CAPN11: variants seen among roughly 807,000 people sequenced by gnomAD.
The protein encoded by CAPN11 is calpain-11.
A neutral mutation model predicts 105.3 loss-of-function variants in CAPN11; 108 were observed. That is an observed-to-expected ratio of 1.03 (90% CI 0.88 to 1.20). The LOEUF (loss-of-function observed/expected upper bound fraction) is 1.20. CAPN11 is among the 50% of genes most tolerant of loss of function. The pLI, the probability that CAPN11 is intolerant of heterozygous loss-of-function variation, is 0.00. For missense variants in CAPN11, 883 were observed against 924.8 expected, an observed-to-expected ratio of 0.95 and a Z score of 0.59; for synonymous variants, 329 against 344.5, an observed-to-expected ratio of 0.96 and a Z score of 0.50.
At chr6:44,178,165 C>T (rs767638799) in intron 12 of CAPN11, among the ~76,000 whole-genome samples, 2 of 152,134 alleles carry the variant, frequency 1.3e-5, no homozygotes, top group African/African-American at 2.4e-5. Flanking sequence ...TTCCAAAGGT[C>T]TTAGGAATAC....
At position 44,180,587 on chromosome 6, in the gene CAPN11, C is replaced by T. The variant is rs766346705; in HGVS notation, c.1681-10C>T. On this transcript the variant is annotated splice_polypyrimidine_tract_variant and intron_variant, in intron 15 of 22. Coordinates refer to ENST00000398776, the MANE Select transcript of CAPN11 (RefSeq NM_007058.4). Reference sequence around the variant, plus strand: ...CTGACCAGGTCCCTTTCCTGCTCCCCGGCCCCCAGGAAAAGGTCTCTGAGG... The same window carrying T: ...CTGACCAGGTCCCTTTCCTGCTCCCTGGCCCCCAGGAAAAGGTCTCTGAGG... The T allele has an allele frequency of 6.8e-6, 11 of 1,613,680 alleles. No homozygotes were observed. The highest frequency in any genetic ancestry group is 5.0e-5 in the Admixed American group (3 of 59,974).
At chr6:44,161,245 G>C (rs1335471531) in intron 1 of CAPN11, among the ~76,000 whole-genome samples, 1 of 151,642 alleles carries the variant, frequency 6.6e-6, no homozygotes, top group East Asian at 1.9e-4. Flanking sequence ...TATTGCCCAG[G>C]CTGGAGTGCA....
At position 44,169,523 on chromosome 6, in the gene CAPN11, C is replaced by T. The variant is rs545825579; in HGVS notation, c.331C>T (p.Arg111Trp). Residue 111 changes from arginine (R) to tryptophan (W), a missense_variant, in exon 3 of 23, where the codon CGG becomes TGG. Coordinates refer to ENST00000398776, the MANE Select transcript of CAPN11 (RefSeq NM_007058.4). ...SKNVQNISWQ[R>W]PKDIINNPLF... ...AAATGTGCAGAACATCTCCTGGCAG[C>T]GGCCCAAGGTGGGCACTGGAAGGGA... 42 of 1,574,836 alleles carry T rather than the reference C, an allele frequency of 2.7e-5. No homozygotes were observed. The highest frequency in any genetic ancestry group is 2.0e-4 in the South Asian group (17 of 85,900).
intron 12 of CAPN11, among the ~76,000 whole-genome samples, chr6:44,179,190 C>T (rs1047328030): frequency 2.6e-5 from 4 of 152,186 alleles, no homozygotes; most frequent in African/African-American, 9.7e-5. Context: ...TTTCAGCCAT[C>T]TGAGGTTGGA....
intron 12 of CAPN11, among the ~76,000 whole-genome samples, chr6:44,178,289 A>C (rs1263126306): frequency 6.6e-6 from 1 of 152,100 alleles, no homozygotes; most frequent in Non-Finnish European, 1.5e-5. Flanking sequence ...CCTGATTCCC[A>C]GGCGCTCTGA....
At chr6:44,168,029 A>AG (rs1407899166) in intron 2 of CAPN11, among the ~76,000 whole-genome samples, 6 of 152,162 alleles carry the variant, frequency 3.9e-5, no homozygotes, top group Non-Finnish European at 8.8e-5. Context: ...TTAAAAAAAA[A>AG]TGGAAAAAAA....
chr6:44,159,908 G>T lies in CAPN11; in HGVS notation c.16+1044G>T, dbSNP rs181088809. 4.3e-4 allele frequency among the ~76,000 whole-genome samples: 65 copies of T among 151,794 alleles called. No individual in the cohort carries two copies. The East Asian group carries it at 0.012, about 28-fold the overall frequency. On this transcript the variant is annotated intron_variant, in intron 1 of 22. Coordinates refer to ENST00000398776, the MANE Select transcript of CAPN11 (RefSeq NM_007058.4). The stretch of plus-strand genomic sequence containing the variant: ...CTAGCACTCTGGGAGGCCAAGGCAG[G>T]TGGATCATCTGAGGTCAGGAGTTCG...
chr6:44,176,193 A>AGGAGGAGAACGTATCCCTGACC, intron 8 of CAPN11, 42 bp downstream of exon 8: 1 of 1,593,606 alleles, frequency 6.3e-7, no homozygotes, highest in Non-Finnish European at 8.6e-7. Flanking sequence ...GACCCTGAGA[A>AGGAGGAGAACGTATCCCTGACC]GGAGGAGAAC....
At chr6:44,159,605 C>A (rs961273370) in intron 1 of CAPN11, among the ~76,000 whole-genome samples, 2 of 152,086 alleles carry the variant, frequency 1.3e-5, no homozygotes, top group African/African-American at 4.8e-5. Flanking sequence ...AGCTGGTGAC[C>A]CCAAACCCAG....
chr6:44,167,596 C>T (rs1286934313), intron 2 of CAPN11, among the ~76,000 whole-genome samples: 15 of 150,912 alleles, frequency 9.9e-5, no homozygotes, highest in Admixed American at 7.9e-4. Flanking sequence ...ATTCAAATAC[C>T]CTACAGTTCA....
chr6:44,171,325 C>G (rs1026988399), intron 4 of CAPN11, among the ~76,000 whole-genome samples: 13 of 152,160 alleles, frequency 8.5e-5, no homozygotes, highest in African/African-American at 3.1e-4. Context: ...GAACTTCAGG[C>G]CAGGGACACT....
intron 12 of CAPN11, among the ~76,000 whole-genome samples, chr6:44,177,928 G>C (rs546673760): frequency 6.6e-6 from 1 of 152,170 alleles, no homozygotes; most frequent in East Asian, 1.9e-4. Context: ...CGTGATTACG[G>C]CTCACAGCGG....
chr6:44,178,780 G>T (rs536579567), intron 12 of CAPN11, among the ~76,000 whole-genome samples: 13 of 138,072 alleles, frequency 9.4e-5, no homozygotes, highest in African/African-American at 1.7e-4. Flanking sequence ...AAAATTAGCC[G>T]GGCATGGTGG....
chr6:44,159,512 A>G (rs925516177), intron 1 of CAPN11, among the ~76,000 whole-genome samples: 1 of 151,922 alleles, frequency 6.6e-6, no homozygotes, highest in African/African-American at 2.4e-5. Flanking sequence ...AGCCTGGGGC[A>G]CCGTGAGACC....
At position 44,176,263 on chromosome 6, in the gene CAPN11, G is replaced by A. The variant is rs759884362; in HGVS notation, c.926G>A (p.Arg309Lys). 1 of 1,613,716 alleles carries A rather than the reference G, an allele frequency of 6.2e-7. No individual in the cohort carries two copies. Among genetic ancestry groups the A allele is most frequent in the South Asian group, 1.1e-5 (1 of 91,066 alleles). Residue 309 changes from arginine (R) to lysine (K), a missense_variant, in exon 9 of 23, where the codon AGA becomes AAA. Transcript: ENST00000398776. Reference sequence around the variant, plus strand: ...CCCCCGCCCACCCAGGTCCACTACAGAGGCAAAATGGAAACACTGATTCGG... The same window carrying A: ...CCCCCGCCCACCCAGGTCCACTACAAAGGCAAAATGGAAACACTGATTCGG... ...SVTGLQDVHY[R>K]GKMETLIRVR...
rs368742247 is a variant in CAPN11 at position 44,181,242 on chromosome 6, C to A, written c.1870-10C>A. The A allele has an allele frequency of 5.9e-5, 95 of 1,613,184 alleles. No individual in the cohort carries two copies. The highest frequency in any genetic ancestry group is 1.6e-4 in the Middle Eastern group (1 of 6,070). ...TCACTCCTTCTCTGCTGTCCTTGAC[C>A]ACCTTCCAGAAAGATGGCTCTGGCA... On this transcript the variant is annotated splice_polypyrimidine_tract_variant and intron_variant, in intron 18 of 22. Coordinates refer to ENST00000398776, the MANE Select transcript of CAPN11 (RefSeq NM_007058.4).
intron 12 of CAPN11, among the ~76,000 whole-genome samples, chr6:44,178,748 AT>A (rs66517927): frequency 0.23 from 25,389 of 111,102 alleles, 3,660 homozygotes; most frequent in Admixed American, 0.33. Flanking sequence ...CCCTGTCTCG[AT>A]TAAAAAAAAA....
intron 19 of CAPN11, among the ~76,000 whole-genome samples, chr6:44,182,293 A>T (rs1459466935): frequency 8.7e-5 from 11 of 126,674 alleles, no homozygotes; most frequent in Admixed American, 2.2e-4. Flanking sequence ...CACCACACAC[A>T]CACACACACA....
rs146227865 is a variant in CAPN11, at chr6:44,179,269, A to G, written c.1417-350A>G. Among the ~76,000 whole-genome samples the G allele has an allele frequency of 1.6e-3, 238 of 151,698 alleles. 1 individual carries two copies. The highest frequency in any genetic ancestry group is 5.6e-3 in the African/African-American group (230 of 41,374). ...CTGGAATGATAAAAATCTACCTTGCATAAACTGTACTTTCCTATCCAAAGC... is the reference window on the plus strand; with the variant it reads ...CTGGAATGATAAAAATCTACCTTGCGTAAACTGTACTTTCCTATCCAAAGC... On this transcript the variant is annotated intron_variant, in intron 12 of 22. Transcript: ENST00000398776.
Sources: gnomAD v4.1 joint callset for allele counts (sites outside exome capture counted in the v4.1 genomes callset) on GRCh38, gnomAD v4.1.1 for gene constraint, MANE v1.5 for transcripts, NCBI Gene and HGNC (gene_info 2026-07-23, HGNC 2026-07-21) for gene names.